Variants in OR5A1 observed in about 807,000 individuals in gnomAD.
OR5A1 encodes olfactory receptor 5A1.
A neutral mutation model predicts 6.7 loss-of-function variants in OR5A1; 6 were observed. The ratio of observed to expected loss-of-function variants is 0.89; its 90% CI spans 0.49 to 1.76. The LOEUF (loss-of-function observed/expected upper bound fraction) is 1.76, where lower values mean the gene tolerates loss of function less well. Among genes scored for constraint, OR5A1 ranks in the 40% most tolerant of loss-of-function variants. The pLI, the probability that OR5A1 is intolerant of heterozygous loss-of-function variation, is 0.01. For synonymous variants in OR5A1, 170 were observed against 155.0 expected (o/e 1.10, Z -0.72); for missense variants, 378 against 381.7 (o/e 0.99, Z 0.08).
Position 59,450,212 on chromosome 11 carries a change from A to G in OR5A1, c.*6096A>G, listed in dbSNP as rs1458964787. ...CCTGAGGTTACAAAATAGAAAGGCT[A>G]TCGTTTGATCCTGACCTCACATTGA... On this transcript the variant is annotated 3_prime_UTR_variant, in exon 2 of 2. Transcript: ENST00000641045. 2.0e-5 allele frequency: 3 copies of G among 152,230 alleles called. No individual in the cohort carries two copies. The highest frequency in any genetic ancestry group is 7.2e-5 in the African/African-American group (3 of 41,456). The allele number at this position is 152,230 out of a possible 1,614,324, so 9.4% of individuals were successfully genotyped here.
Position 59,443,932 on chromosome 11 carries a change from T to G in OR5A1, c.764T>G (p.Phe255Cys), listed in dbSNP as rs749598970. 1.2e-6 allele frequency: 2 copies of G among 1,614,092 alleles called. No homozygotes were observed. Among genetic ancestry groups the G allele is most frequent in the Admixed American group, 1.7e-5 (1 of 60,016 alleles). The change falls in exon 2 of 2, where the codon TTT becomes TGT. Residue 255 changes from phenylalanine (F) to cysteine (C), a missense_variant. Physicochemically the swap from Phe to Cys is radical, Grantham distance 205. Transcript: ENST00000641045. The part of the protein sequence containing the change: ...ASHLMVVTLL[F>C]GTALFVYLRP... ...CATCTGATGGTGGTGACTCTGCTGT[T>G]TGGGACAGCCCTTTTCGTGTACTTG...
In OR5A1 at chr11:59,442,232, A is replaced by G. The variant is rs558645353; in HGVS notation, c.-33-904A>G. On this transcript the variant is annotated intron_variant, in intron 1 of 1. Transcript: ENST00000641045. ...GAGGCTGAGGCGGGCGGATCGCCCA[A>G]GGTCGTTCGAGACCAGCCTGACCAA... 1.4e-3 allele frequency among the ~76,000 whole-genome samples: 208 copies of G among 152,256 alleles called. 1 individual carries two copies. Among genetic ancestry groups the G allele is most frequent in the African/African-American group, 4.5e-3 (189 of 41,572 alleles).
rs1195718084 is a variant in OR5A1 at position 59,449,474 on chromosome 11, T to G, written c.*5358T>G. The G allele has an allele frequency of 1.3e-5, 2 of 152,198 alleles. No homozygotes were observed. Among genetic ancestry groups the G allele is most frequent in the East Asian group, 3.8e-4 (2 of 5,198 alleles). The allele number at this position is 152,198 out of a possible 1,614,324, so 9.4% of individuals were successfully genotyped here. ...TTCTAACCTAAAATACTGGGCTTCC[T>G]AAGACACATTCAAATAAGGTAATTT... On this transcript the variant is annotated 3_prime_UTR_variant, in exon 2 of 2. Transcript: ENST00000641045.
chr11:59,439,493 A>G (rs1858458795), intron 1 of OR5A1, among the ~76,000 whole-genome samples: 1 of 152,204 alleles, frequency 6.6e-6, no homozygotes, highest in East Asian at 1.9e-4. Context: ...GCAAGAGTGA[A>G]TAAAACTTCC....
intron 1 of OR5A1, among the ~76,000 whole-genome samples, chr11:59,440,009 G>C (rs1858464370): frequency 6.6e-6 from 1 of 152,124 alleles, no homozygotes; most frequent in South Asian, 2.1e-4. Flanking sequence ...GACCCACCAT[G>C]ATCCCTTTAT....
intron 1 of OR5A1, among the ~76,000 whole-genome samples, chr11:59,438,983 G>A (rs535611815): frequency 6.6e-6 from 1 of 152,146 alleles, no homozygotes; most frequent in Non-Finnish European, 1.5e-5. Flanking sequence ...AGGGCACCAG[G>A]CACTGGCAGG....
Position 59,450,510 on chromosome 11 carries a change from A to G in OR5A1, c.*6394A>G, listed in dbSNP as rs1380250851. On this transcript the variant is annotated 3_prime_UTR_variant, in exon 2 of 2. Coordinates refer to ENST00000641045, the MANE Select transcript of OR5A1 (RefSeq NM_001004728.2). Reference sequence around the variant, plus strand: ...TTAAAAACAAAAAACAGAAAAATACAAGATACATAATATCAGAGCTCAAAT... The same window carrying G: ...TTAAAAACAAAAAACAGAAAAATACGAGATACATAATATCAGAGCTCAAAT... The G allele has an allele frequency of 2.6e-5, 4 of 152,226 alleles. No homozygotes were observed. Among genetic ancestry groups the G allele is most frequent in the African/African-American group, 9.6e-5 (4 of 41,464 alleles). The allele number at this position is 152,226 out of a possible 1,614,324, so 9.4% of individuals were successfully genotyped here.
Position 59,444,067 on chromosome 11 carries a change from T to A in OR5A1, c.899T>A (p.Ile300Asn). The change falls in exon 2 of 2, where the codon ATC (isoleucine) becomes AAC (asparagine). Residue 300 changes from isoleucine (I) to asparagine (N), a missense_variant. Physicochemically the swap from Ile to Asn is moderately radical, Grantham distance 149. Coordinates refer to ENST00000641045, the MANE Select transcript of OR5A1 (RefSeq NM_001004728.2). ...PLIYSLRNKEIKDALWKVLER... is the reference protein window; with the variant it reads ...PLIYSLRNKENKDALWKVLER... ...ATTTACAGTTTGAGGAACAAAGAGA[T>A]CAAGGATGCCCTGTGGAAGGTGTTG... The A allele has an allele frequency of 6.2e-7, 1 of 1,614,096 alleles. No individual in the cohort carries two copies. The highest frequency in any genetic ancestry group is 8.5e-7 in the Non-Finnish European group (1 of 1,179,992).
rs1056160594 is a variant in OR5A1 at position 59,447,010 on chromosome 11, A to G, written c.*2894A>G. 1.3e-5 allele frequency: 2 copies of G among 152,220 alleles called. No homozygotes were observed. Among genetic ancestry groups the G allele is most frequent in the Non-Finnish European group, 2.9e-5 (2 of 68,034 alleles). The allele number at this position is 152,220 out of a possible 1,614,324, so 9.4% of individuals were successfully genotyped here. On this transcript the variant is annotated 3_prime_UTR_variant, in exon 2 of 2. Coordinates refer to ENST00000641045, the MANE Select transcript of OR5A1 (RefSeq NM_001004728.2). ...GTAGAATGACTCCTACAAATCGTAT[A>G]TACAGGTACTCAGAGAGAGAGAGTT...
At position 59,443,120 on chromosome 11, in the gene OR5A1, G is replaced by A. The variant is rs1858499122; in HGVS notation, c.-33-16G>A. 7.0e-7 allele frequency: 1 copy of A among 1,437,346 alleles called. No individual in the cohort carries two copies. The highest frequency in any genetic ancestry group is 1.7e-5 in the Admixed American group (1 of 57,868). 89.0% of individuals were successfully genotyped at this position (1,437,346 alleles called of 1,614,324 possible). A position where few individuals can be genotyped will look rare whatever the true frequency, so the allele number is the denominator to read the frequency against. ...GCTAATACCACCTATAATGTGGACT[G>A]TCATTACTATCCCAGGTCTGCATCT... On this transcript the variant is annotated splice_polypyrimidine_tract_variant and intron_variant, in intron 1 of 1. Transcript: ENST00000641045.
At chr11:59,440,791 A>G (rs1307688628) in intron 1 of OR5A1, among the ~76,000 whole-genome samples, 2 of 152,250 alleles carry the variant, frequency 1.3e-5, no homozygotes, top group Non-Finnish European at 2.9e-5. Flanking sequence ...CAAACCTTTC[A>G]CAAACAGGAG....
At position 59,446,366 on chromosome 11, in the gene OR5A1, C is replaced by T. The variant is rs1453357316; in HGVS notation, c.*2250C>T. 6.6e-6 allele frequency: 1 copy of T among 152,140 alleles called. No homozygotes were observed. The highest frequency in any genetic ancestry group is 1.5e-5 in the Non-Finnish European group (1 of 68,038). The allele number at this position is 152,140 out of a possible 1,614,324, so 9.4% of individuals were successfully genotyped here. ...TACGTGTCTGTTTTTGTACAAGTAC[C>T]ATGTTGTTTTGGTTACCATAGACTT... On this transcript the variant is annotated 3_prime_UTR_variant, in exon 2 of 2. Transcript: ENST00000641045.
chr11:59,437,964 G>C (rs1203207061), intron 1 of OR5A1, among the ~76,000 whole-genome samples: 1 of 152,202 alleles, frequency 6.6e-6, no homozygotes, highest in African/African-American at 2.4e-5. Context: ...ATGGGGTAGT[G>C]CTATCCCCTT....
At position 59,447,473 on chromosome 11, in the gene OR5A1, T is replaced by C. The variant is rs914157631; in HGVS notation, c.*3357T>C. On this transcript the variant is annotated 3_prime_UTR_variant, in exon 2 of 2. Transcript: ENST00000641045. ...TTTTAGGAATGAAAAGTTGACACTA[T>C]ATCTGTATATTAAGGGATACTTGCT... 3 of 152,192 alleles carry C rather than the reference T, an allele frequency of 2.0e-5. No individual in the cohort carries two copies. Among genetic ancestry groups the C allele is most frequent in the African/African-American group, 7.2e-5 (3 of 41,450 alleles). The allele number at this position is 152,192 out of a possible 1,614,324, so 9.4% of individuals were successfully genotyped here.
At chr11:59,440,208 G>T (rs1482873573) in intron 1 of OR5A1, among the ~76,000 whole-genome samples, 1 of 152,034 alleles carries the variant, frequency 6.6e-6, no homozygotes, top group Non-Finnish European at 1.5e-5. Flanking sequence ...GACCACAGCT[G>T]TATGCCACCA....
intron 1 of OR5A1, among the ~76,000 whole-genome samples, chr11:59,437,796 G>C (rs950973547): frequency 2.0e-5 from 3 of 152,178 alleles, no homozygotes; most frequent in Admixed American, 6.5e-5. Context: ...AATTTTCCCA[G>C]TGCAGTGTTT....
Position 59,443,360 on chromosome 11 carries a change from C to G in OR5A1, c.192C>G (p.Phe64Leu), listed in dbSNP as rs1858504831. 3 of 1,613,774 alleles carry G rather than the reference C, an allele frequency of 1.9e-6. No homozygotes were observed. The Admixed American group carries it at 5.0e-5, about 27-fold the overall frequency. Reference protein sequence around the residue: ...GDTHLHTPMYFFLSNLSFIDI... With the variant: ...GDTHLHTPMYLFLSNLSFIDI... ...CCCATCTGCACACACCCATGTACTT[C>G]TTCCTAAGCAACTTATCTTTCATTG... is the stretch of plus-strand genomic sequence containing the variant. Residue 64 changes from phenylalanine to leucine, a missense_variant, in exon 2 of 2, where the codon TTC (phenylalanine) becomes TTG (leucine). Physicochemically the swap from Phe to Leu is conservative, Grantham distance 22 (BLOSUM62 0). Coordinates refer to ENST00000641045, the MANE Select transcript of OR5A1 (RefSeq NM_001004728.2).
At chr11:59,439,645 T>C (rs776409278) in intron 1 of OR5A1, among the ~76,000 whole-genome samples, 4 of 152,192 alleles carry the variant, frequency 2.6e-5, no homozygotes, top group Non-Finnish European at 5.9e-5. Flanking sequence ...ACTCTACATA[T>C]GCTTTTCCTT....
chr11:59,440,583 C>A (rs1390240208), intron 1 of OR5A1, among the ~76,000 whole-genome samples: 1 of 152,212 alleles, frequency 6.6e-6, no homozygotes. Flanking sequence ...AATCATAACA[C>A]AGACCTCAGG....
Sources: allele counts gnomAD v4.1 joint callset (sites outside exome capture counted in the v4.1 genomes callset), GRCh38; gene constraint gnomAD v4.1.1; transcripts MANE v1.5; gene names NCBI Gene and HGNC (gene_info 2026-07-23, HGNC 2026-07-21).